The following EPB41L4B variants were observed in gnomAD, a reference collection of about 807,000 sequenced individuals.
EPB41L4B encodes the protein erythrocyte membrane protein band 4.1 like 4B, also known as band 4.1-like protein 4B.
A neutral mutation model predicts 112.5 loss-of-function variants in EPB41L4B; 30 were observed. The ratio of observed to expected loss-of-function variants is 0.27; its 90% CI spans 0.20 to 0.36. The LOEUF (loss-of-function observed/expected upper bound fraction) is 0.36. Among genes scored for constraint, EPB41L4B ranks in the 10% least tolerant of loss-of-function variants. The pLI is 1.00. For missense variants in EPB41L4B, 1,024 were observed against 1,133.3 expected (o/e 0.90, Z 1.38); for synonymous variants, 408 against 439.7 (o/e 0.93, Z 0.90).
At chr9:109,216,607 C>T (rs1206097033) in intron 16 of EPB41L4B, among the ~76,000 whole-genome samples, 2 of 149,764 alleles carry the variant, frequency 1.3e-5, no homozygotes, top group South Asian at 2.1e-4. Flanking sequence ...TGCCACTGCA[C>T]TCCAGCCTGG....
intron 6 of EPB41L4B, among the ~76,000 whole-genome samples, chr9:109,261,996 T>C: frequency 6.6e-6 from 1 of 152,218 alleles, no homozygotes; most frequent in Admixed American, 6.5e-5. Flanking sequence ...GATGTACTAA[T>C]GAAATCCCGG....
intron 2 of EPB41L4B, among the ~76,000 whole-genome samples, chr9:109,277,704 G>A (rs1312490971): frequency 2.0e-5 from 3 of 152,206 alleles, no homozygotes; most frequent in Non-Finnish European, 4.4e-5. Flanking sequence ...AGAATCAAAG[G>A]CCAAGTGAGG....
At chr9:109,176,040 TCACACACA>T (rs762279356) in intron 25 of EPB41L4B, among the ~76,000 whole-genome samples, 1 of 43,424 alleles carries the variant, frequency 2.3e-5, no homozygotes, top group Non-Finnish European at 5.1e-5. Flanking sequence ...CTTGTCAATA[TCACACACA>T]CGCACACACA....
intron 25 of EPB41L4B, 100 bp downstream of exon 25, chr9:109,176,451 G>T: frequency 7.8e-7 from 1 of 1,288,934 alleles, no homozygotes; most frequent in Non-Finnish European, 1.0e-6. Flanking sequence ...ATGAAAGAAT[G>T]TAGGAAAGGC....
chr9:109,269,189 G>A (rs1835520437), intron 2 of EPB41L4B, among the ~76,000 whole-genome samples: 2 of 152,200 alleles, frequency 1.3e-5, no homozygotes, highest in South Asian at 2.1e-4. Flanking sequence ...ACTCTTTAAA[G>A]TACAGAACTA....
intron 2 of EPB41L4B, among the ~76,000 whole-genome samples, chr9:109,278,537 AC>A (rs781190758): frequency 2.5e-4 from 38 of 152,200 alleles, no homozygotes; most frequent in Non-Finnish European, 3.5e-4. Context: ...ACTTCCAGAT[AC>A]AATCAGGAAG....
intron 25 of EPB41L4B, among the ~76,000 whole-genome samples, chr9:109,175,663 T>C (rs1831800576): frequency 6.6e-6 from 1 of 152,122 alleles, no homozygotes; most frequent in African/African-American, 2.4e-5. Flanking sequence ...CGAGCCACCA[T>C]GCCTGGCAAA....
At chr9:109,269,811 T>G (rs889612745) in intron 2 of EPB41L4B, among the ~76,000 whole-genome samples, 2 of 152,114 alleles carry the variant, frequency 1.3e-5, no homozygotes, top group African/African-American at 4.8e-5. Context: ...ACATTTGCAC[T>G]CTGCACAGTC....
chr9:109,320,331 C>A lies in EPB41L4B; in HGVS notation c.116G>T (p.Gly39Val), dbSNP rs1837821426. Reference sequence around the variant, plus strand: ...GGAGGAGGCGGCGGCGGCCGGGCCCCCCCGTGGCCCCCCATCGCGCTCGTC... The same window carrying A: ...GGAGGAGGCGGCGGCGGCCGGGCCCACCCGTGGCCCCCCATCGCGCTCGTC... ...LGDERDGGPR[G>V]GPAAAASSSA... The change falls in exon 1 of 26, where the codon GGG becomes GTG. Residue 39 changes from glycine (G) to valine (V), a missense_variant. Coordinates refer to ENST00000374566, the MANE Select transcript of EPB41L4B (RefSeq NM_019114.5). 1 of 989,168 alleles carries A rather than the reference C, an allele frequency of 1.0e-6. No individual in the cohort carries two copies. 61.3% of individuals were successfully genotyped at this position (989,168 alleles called of 1,614,324 possible). A position where few individuals can be genotyped will look rare whatever the true frequency, so the allele number is the denominator to read the frequency against.
chr9:109,209,566 T>A (rs964659244), intron 17 of EPB41L4B, among the ~76,000 whole-genome samples: 2 of 150,814 alleles, frequency 1.3e-5, no homozygotes, highest in African/African-American at 4.9e-5. Flanking sequence ...GAGAATCACC[T>A]GAGCTCAGGG....
chr9:109,203,779 C>A, intron 18 of EPB41L4B, 49 bp from the exon 19 acceptor site: 1 of 1,485,296 alleles, frequency 6.7e-7, no homozygotes, highest in Non-Finnish European at 9.4e-7. Context: ...TGTTGGCATG[C>A]AAAAAATGTT....
At chr9:109,307,882 G>A (rs3763640) in intron 1 of EPB41L4B, among the ~76,000 whole-genome samples, 11 of 152,072 alleles carry the variant, frequency 7.2e-5, no homozygotes, top group South Asian at 2.1e-4. Context: ...GCTCATAAGC[G>A]CTGGGGGGCT....
chr9:109,319,453 T>C (rs1000720412), intron 1 of EPB41L4B, among the ~76,000 whole-genome samples: 7 of 152,150 alleles, frequency 4.6e-5, no homozygotes, highest in Non-Finnish European at 8.8e-5. Flanking sequence ...GCTCTGCCGG[T>C]GCAAGGCAGG....
At chr9:109,199,008 A>G (rs1832734954) in intron 20 of EPB41L4B, among the ~76,000 whole-genome samples, 2 of 151,816 alleles carry the variant, frequency 1.3e-5, no homozygotes, top group Non-Finnish European at 2.9e-5. Flanking sequence ...TACAGCAATT[A>G]TCTTTCTGCT....
At chr9:109,201,732 G>C (rs1414209350) in intron 19 of EPB41L4B, among the ~76,000 whole-genome samples, 1 of 152,104 alleles carries the variant, frequency 6.6e-6, no homozygotes, top group Non-Finnish European at 1.5e-5. Context: ...GCTGAACGCA[G>C]GGCACTAGAA....
intron 1 of EPB41L4B, among the ~76,000 whole-genome samples, chr9:109,311,013 T>C (rs779968777): frequency 2.0e-5 from 3 of 152,002 alleles, no homozygotes; most frequent in Non-Finnish European, 4.4e-5. Flanking sequence ...AAAAGTAGAA[T>C]GGTGGTTGCC....
intron 15 of EPB41L4B, chr9:109,240,905 C>T (rs1473238717): frequency 6.1e-6 from 6 of 985,268 alleles, no homozygotes; most frequent in African/African-American, 3.5e-5. Flanking sequence ...GCAGCAAATT[C>T]GATCAAAACA....
intron 20 of EPB41L4B, chr9:109,196,260 T>C (rs1431448342): frequency 6.6e-6 from 1 of 152,112 alleles, no homozygotes; most frequent in African/African-American, 2.4e-5. Flanking sequence ...ACCATGCTAA[T>C]CTTCTCTGTA....
chr9:109,250,162 G>C (rs1470124), intron 13 of EPB41L4B, among the ~76,000 whole-genome samples: 141,193 of 152,252 alleles, frequency 0.93, 65,649 homozygotes, highest in East Asian at 1. Flanking sequence ...GAGGGTAAAA[G>C]AGTTTGGAAA....
Sources: allele counts gnomAD v4.1 joint callset (sites outside exome capture counted in the v4.1 genomes callset), GRCh38; gene constraint gnomAD v4.1.1; transcripts MANE v1.5; gene names NCBI Gene and HGNC (gene_info 2026-07-23, HGNC 2026-07-21).